Variants in DLGAP2 observed in about 807,000 individuals in gnomAD.
DLGAP2 encodes DLG associated protein 2.
Under a neutral mutation model 100.3 loss-of-function variants are expected in DLGAP2, and 26 were observed. That is an observed-to-expected ratio of 0.26 (90% CI 0.19 to 0.36). DLGAP2 has a LOEUF of 0.36. Among genes scored for constraint, DLGAP2 ranks in the 10% least tolerant of loss-of-function variants. The probability of loss-of-function intolerance (pLI) is 1.00; values close to 1 mark genes in which losing one functional copy is unlikely to be tolerated. For synonymous variants in DLGAP2, 886 were observed against 630.1 expected (o/e 1.41, Z -6.08); for missense variants, 1,858 against 1,453.2 (o/e 1.28, Z -4.53).
intron 6 of DLGAP2, among the ~76,000 whole-genome samples, chr8:1,625,577 A>G (rs1797469832): frequency 6.6e-6 from 1 of 152,272 alleles, no homozygotes; most frequent in African/African-American, 2.4e-5. Flanking sequence ...GCATAAGTTA[A>G]AACTGAAAGT....
At chr8:1,172,269 G>A (rs958890568) in intron 2 of DLGAP2, among the ~76,000 whole-genome samples, 12 of 152,282 alleles carry the variant, frequency 7.9e-5, no homozygotes, top group African/African-American at 2.9e-4. Flanking sequence ...AGTCTGATGG[G>A]CTTCCCTTTG....
rs1282576030 is a variant in DLGAP2, at chr8:1,707,423, C to G, written c.*6017C>G. 1 of 152,230 alleles carries G rather than the reference C, an allele frequency of 6.6e-6. No individual in the cohort carries two copies. Among genetic ancestry groups the G allele is most frequent in the Non-Finnish European group, 1.5e-5 (1 of 68,064 alleles). The allele number at this position is 152,230 out of a possible 1,614,324, so 9.4% of individuals were successfully genotyped here. On this transcript the variant is annotated 3_prime_UTR_variant, in exon 15 of 15. Transcript: ENST00000637795. ...CATTCTCTGATTTACCCCCAAAACACTACCATGCCCCAGCCCCACTCATTT... is the reference window on the plus strand; with the variant it reads ...CATTCTCTGATTTACCCCCAAAACAGTACCATGCCCCAGCCCCACTCATTT...
intron 2 of DLGAP2, among the ~76,000 whole-genome samples, chr8:1,148,013 C>A (rs1360035507): frequency 6.6e-6 from 1 of 152,072 alleles, no homozygotes; most frequent in Non-Finnish European, 1.5e-5. Context: ...GTTTCTTTTT[C>A]TCTACTGTGA....
intron 4 of DLGAP2, among the ~76,000 whole-genome samples, chr8:1,504,535 C>T (rs1799836857): frequency 6.6e-6 from 1 of 152,196 alleles, no homozygotes; most frequent in Non-Finnish European, 1.5e-5. Flanking sequence ...ACCCTTCCGC[C>T]AACATCCTCC....
rs535155530 is a variant in DLGAP2 at position 1,622,954 on chromosome 8, G to C, written c.1443-3786G>C. Among the ~76,000 whole-genome samples, 298 of 152,264 alleles carry C rather than the reference G, an allele frequency of 2.0e-3. 1 individual carries two copies. Among genetic ancestry groups the C allele is most frequent in the African/African-American group, 6.6e-3 (275 of 41,562 alleles). On this transcript the variant is annotated intron_variant, in intron 6 of 14. Transcript: ENST00000637795. Reference sequence around the variant, plus strand: ...TGTCACCTGGCGGGGCCACCGGAGGGTGCATCCCCCCATCTTGATTGGCTC... The same window carrying C: ...TGTCACCTGGCGGGGCCACCGGAGGCTGCATCCCCCCATCTTGATTGGCTC...
intron 1 of DLGAP2, among the ~76,000 whole-genome samples, chr8:819,067 A>G (rs1472438053): frequency 1.3e-5 from 2 of 152,228 alleles, no homozygotes; most frequent in Non-Finnish European, 2.9e-5. Flanking sequence ...AGTCTCATTT[A>G]ATGACTGAAT....
intron 3 of DLGAP2, among the ~76,000 whole-genome samples, chr8:1,275,719 T>A (rs1799669401): frequency 3.0e-5 from 4 of 135,436 alleles, no homozygotes. Flanking sequence ...ATAGGACATA[T>A]ATATATATAA....
At chr8:1,146,803 GTT>G (rs1164829086) in intron 2 of DLGAP2, among the ~76,000 whole-genome samples, 1 of 152,216 alleles carries the variant, frequency 6.6e-6, no homozygotes, top group Non-Finnish European at 1.5e-5. Context: ...GCCTTTCAGA[GTT>G]CAAGTCCCCA....
intron 2 of DLGAP2, among the ~76,000 whole-genome samples, chr8:1,110,943 G>A (rs1444985450): frequency 6.6e-6 from 1 of 152,066 alleles, no homozygotes; most frequent in Non-Finnish European, 1.5e-5. Flanking sequence ...GAGTGTGAGG[G>A]TTGGTTCCTT....
chr8:1,595,551 C>G (rs958144835), intron 6 of DLGAP2, among the ~76,000 whole-genome samples: 25 of 150,882 alleles, frequency 1.7e-4, no homozygotes, highest in African/African-American at 6.1e-4. Flanking sequence ...CCTGTAGTCC[C>G]AGCTACTCGG....
Position 1,361,700 on chromosome 8 carries a change from G to T in DLGAP2, c.106+102817G>T, listed in dbSNP as rs546649442. Among the ~76,000 whole-genome samples, 4 of 152,306 alleles carry T rather than the reference G, an allele frequency of 2.6e-5. No homozygotes were observed. The East Asian group carries it at 7.7e-4, about 29-fold the overall frequency. On this transcript the variant is annotated intron_variant, in intron 3 of 14. Coordinates refer to ENST00000637795, the MANE Select transcript of DLGAP2 (RefSeq NM_001346810.2). Reference sequence around the variant, plus strand: ...CTAAATTGATGTCAAGCACCTTCGCGCAAGGCCCTACACGGTAACTGAGCT... The same window carrying T: ...CTAAATTGATGTCAAGCACCTTCGCTCAAGGCCCTACACGGTAACTGAGCT...
chr8:1,508,100 C>T (rs1799997099), intron 4 of DLGAP2, among the ~76,000 whole-genome samples: 1 of 151,890 alleles, frequency 6.6e-6, no homozygotes, highest in Non-Finnish European at 1.5e-5. Context: ...AATTTTATTT[C>T]CACACAAACA....
chr8:1,005,078 G>A (rs1274499970), intron 2 of DLGAP2, among the ~76,000 whole-genome samples: 1 of 152,186 alleles, frequency 6.6e-6, no homozygotes, highest in Non-Finnish European at 1.5e-5. Flanking sequence ...CACTGCCCTT[G>A]TGTCTTCCTG....
At chr8:1,368,347 G>A (rs111482365) in intron 3 of DLGAP2, among the ~76,000 whole-genome samples, 41 of 151,884 alleles carry the variant, frequency 2.7e-4, no homozygotes, top group African/African-American at 7.0e-4. Context: ...GTGTGCATGC[G>A]TGTGTATATA....
intron 2 of DLGAP2, among the ~76,000 whole-genome samples, chr8:1,030,546 A>T (rs563415310): frequency 1.3e-5 from 2 of 152,316 alleles, no homozygotes; most frequent in South Asian, 4.1e-4. Flanking sequence ...GTGTTAGTTT[A>T]AAAACATTTA....
intron 3 of DLGAP2, among the ~76,000 whole-genome samples, chr8:1,305,404 TAAAAG>T (rs1800466959): frequency 6.6e-6 from 1 of 152,186 alleles, no homozygotes; most frequent in Non-Finnish European, 1.5e-5. Context: ...ACATTTGGCT[TAAAAG>T]AAATTAGTCC....
intron 3 of DLGAP2, among the ~76,000 whole-genome samples, chr8:1,360,261 TCCGGGGCGGGG>T (rs1192636808): frequency 7.0e-4 from 64 of 92,054 alleles, no homozygotes; most frequent in South Asian, 1.0e-3. Flanking sequence ...GCGGGGCTTC[TCCGGGGCGGGG>T]CTTCTCTGGG....
chr8:1,515,516 G>A (rs1415466361), intron 4 of DLGAP2, among the ~76,000 whole-genome samples: 1 of 151,550 alleles, frequency 6.6e-6, no homozygotes. Flanking sequence ...ACACACAGGT[G>A]CATGCACATG....
intron 3 of DLGAP2, among the ~76,000 whole-genome samples, chr8:1,444,486 C>T (rs1045343871): frequency 6.6e-6 from 1 of 152,202 alleles, no homozygotes; most frequent in Non-Finnish European, 1.5e-5. Flanking sequence ...CATCTGCCTT[C>T]ATTTGCATGG....
Sources: allele counts gnomAD v4.1 joint callset (sites outside exome capture counted in the v4.1 genomes callset), GRCh38; gene constraint gnomAD v4.1.1; transcripts MANE v1.5; gene names NCBI Gene and HGNC (gene_info 2026-07-23, HGNC 2026-07-21).